The following TRPC7 variants were observed in gnomAD, a reference collection of about 807,000 sequenced individuals.
TRPC7 encodes short transient receptor potential channel 7.
Under a neutral mutation model 90.1 loss-of-function variants are expected in TRPC7, and 42 were observed. The ratio of observed to expected loss-of-function variants is 0.47; its 90% CI spans 0.36 to 0.60. The LOEUF is 0.60. Ranked by LOEUF, TRPC7 falls within the 20% of genes least tolerant of loss-of-function variation. The pLI, the probability that TRPC7 is intolerant of heterozygous loss-of-function variation, is 0.00. For missense variants in TRPC7, 955 were observed against 1,112.3 expected, an observed-to-expected ratio of 0.86 and a Z score of 2.01; for synonymous variants, 451 against 436.3, an observed-to-expected ratio of 1.03 and a Z score of -0.42.
chr5:136,291,999 C>A (rs1243662929), intron 3 of TRPC7, among the ~76,000 whole-genome samples: 1 of 152,016 alleles, frequency 6.6e-6, no homozygotes, highest in Admixed American at 6.5e-5. Flanking sequence ...CACTCAAAAC[C>A]GCTCAACTAC....
chr5:136,351,417 T>G lies in TRPC7; in HGVS notation c.780+5191A>C, dbSNP rs141324471. 2.7e-3 allele frequency among the ~76,000 whole-genome samples: 418 copies of G among 152,362 alleles called. 2 individuals are homozygous for G. Among genetic ancestry groups the G allele is most frequent in the African/African-American group, 9.5e-3 (395 of 41,586 alleles). On this transcript the variant is annotated intron_variant, in intron 2 of 11. Transcript: ENST00000513104. ...TATACTACCAGCCAAGCTTTCAAAC[T>G]TCAAGGAAATGTATAATATTTTTCC... is the stretch of plus-strand genomic sequence containing the variant.
At chr5:136,249,192 G>A (rs1756442577) in intron 6 of TRPC7, among the ~76,000 whole-genome samples, 1 of 152,198 alleles carries the variant, frequency 6.6e-6, no homozygotes, top group Non-Finnish European at 1.5e-5. Flanking sequence ...ATATTACATA[G>A]CAATTCGTGG....
In TRPC7 at chr5:136,357,340, C is replaced by G; in HGVS notation, c.48G>C (p.Thr16=). 1.2e-6 allele frequency: 2 copies of G among 1,604,204 alleles called. No individual in the cohort carries two copies. Among genetic ancestry groups the G allele is most frequent in the Non-Finnish European group, 1.7e-6 (2 of 1,179,774 alleles). Residue 16 remains threonine (T), a synonymous_variant, in exon 2 of 12, where the codon ACG becomes ACC. Transcript: ENST00000513104. Reference sequence around the variant, plus strand: ...CCTGGCGACGGCCCTTCTCCCTCAGCGTTGTGTGCCGGCGCTGCATGTTTT... The same window carrying G: ...CCTGGCGACGGCCCTTCTCCCTCAGGGTTGTGTGCCGGCGCTGCATGTTTT... The part of the protein sequence containing the change: ...TFKNMQRRHT[T]LREKGRRQAI...
chr5:136,271,063 T>G (rs1159559740), intron 4 of TRPC7, among the ~76,000 whole-genome samples: 1 of 152,178 alleles, frequency 6.6e-6, no homozygotes. Context: ...ATTTCAGCTT[T>G]GGTAAGGCAA....
At chr5:136,336,652 C>T (rs1759675748) in intron 2 of TRPC7, among the ~76,000 whole-genome samples, 1 of 152,042 alleles carries the variant, frequency 6.6e-6, no homozygotes, top group African/African-American at 2.4e-5. Flanking sequence ...AATGCTATCC[C>T]TCCCCCTTTC....
chr5:136,294,690 G>A (rs963412788), intron 3 of TRPC7, among the ~76,000 whole-genome samples: 7 of 152,184 alleles, frequency 4.6e-5, no homozygotes, highest in African/African-American at 1.4e-4. Context: ...TACACTGTTG[G>A]TGGGACTGTA....
At chr5:136,260,431 G>C (rs1229260247) in intron 5 of TRPC7, among the ~76,000 whole-genome samples, 5 of 152,124 alleles carry the variant, frequency 3.3e-5, no homozygotes, top group Non-Finnish European at 7.4e-5. Context: ...GTTGAGTAAA[G>C]ACCTGAGGAG....
At chr5:136,359,540 T>G (rs938606695) in intron 1 of TRPC7, among the ~76,000 whole-genome samples, 5 of 152,148 alleles carry the variant, frequency 3.3e-5, no homozygotes, top group African/African-American at 1.2e-4. Flanking sequence ...AACAATGCCA[T>G]CATTCCAGAG....
chr5:136,248,962 A>G (rs1193912233), intron 6 of TRPC7, among the ~76,000 whole-genome samples: 1 of 152,236 alleles, frequency 6.6e-6, no homozygotes, highest in African/African-American at 2.4e-5. Context: ...GATCTGTACA[A>G]TGAAAACTGC....
intron 2 of TRPC7, among the ~76,000 whole-genome samples, chr5:136,332,817 C>T (rs2149847305): frequency 6.6e-6 from 1 of 152,340 alleles, no homozygotes; most frequent in Middle Eastern, 3.4e-3. Context: ...GAGAGAAACA[C>T]ACTTTCTTCC....
At chr5:136,265,614 C>G (rs944529907) in intron 5 of TRPC7, among the ~76,000 whole-genome samples, 55 of 152,228 alleles carry the variant, frequency 3.6e-4, no homozygotes, top group Admixed American at 3.1e-3. Context: ...TAAAAGACAG[C>G]CTTTCTTAGT....
At chr5:136,301,333 T>C (rs1400942985) in intron 3 of TRPC7, among the ~76,000 whole-genome samples, 4 of 29,814 alleles carry the variant, frequency 1.3e-4, no homozygotes, top group South Asian at 1.3e-3. Flanking sequence ...AGCCCAGGCA[T>C]TTTTTTTTTT....
rs551826865 is a variant in TRPC7 at position 136,279,019 on chromosome 5, C to A, written c.964-4182G>T. On this transcript the variant is annotated intron_variant, in intron 3 of 11. Transcript: ENST00000513104. ...TTGCGAACTGAGCCTTCCTGGAAGT[C>A]TACCGGGCAGCAAAAGGAGATGGGC... 9.2e-5 allele frequency among the ~76,000 whole-genome samples: 14 copies of A among 152,206 alleles called. No homozygotes were observed. The East Asian group carries it at 2.7e-3, about 30-fold the overall frequency.
chr5:136,315,592 C>G lies in TRPC7; in HGVS notation c.963+5G>C, dbSNP rs1313717570. 6.8e-6 allele frequency: 11 copies of G among 1,613,294 alleles called. No individual in the cohort carries two copies. The highest frequency in any genetic ancestry group is 9.3e-6 in the Non-Finnish European group (11 of 1,179,546). The stretch of plus-strand genomic sequence containing the variant: ...GGGAAGACCAGGAGAGATGGGGGAG[C>G]TTACCTTCTTGACTTCATATTTAAT... On this transcript the variant is annotated splice_donor_5th_base_variant and intron_variant, in intron 3 of 11. Coordinates refer to ENST00000513104, the MANE Select transcript of TRPC7 (RefSeq NM_020389.3).
intron 7 of TRPC7, among the ~76,000 whole-genome samples, chr5:136,243,485 C>T (rs1039570467): frequency 6.6e-6 from 1 of 152,184 alleles, no homozygotes; most frequent in African/African-American, 2.4e-5. Context: ...CCACAGAGAA[C>T]AGGCCACTCA....
chr5:136,330,701 G>T (rs1180881622), intron 2 of TRPC7, among the ~76,000 whole-genome samples: 1 of 152,236 alleles, frequency 6.6e-6, no homozygotes, highest in Non-Finnish European at 1.5e-5. Flanking sequence ...GATGAGACTG[G>T]CTGAGCTCTG....
chr5:136,272,024 T>C (rs1004441989), intron 4 of TRPC7, among the ~76,000 whole-genome samples: 7 of 152,192 alleles, frequency 4.6e-5, no homozygotes, highest in Admixed American at 1.3e-4. Flanking sequence ...AAATGCACCA[T>C]TGGGTTGGAA....
chr5:136,361,816 A>G (rs1456806406), intron 1 of TRPC7, among the ~76,000 whole-genome samples: 2 of 152,168 alleles, frequency 1.3e-5, no homozygotes, highest in African/African-American at 2.4e-5. Flanking sequence ...TATTCTGAGT[A>G]TTAGTCTAGA....
chr5:136,321,623 A>G (rs144336394), intron 2 of TRPC7, among the ~76,000 whole-genome samples: 35 of 152,334 alleles, frequency 2.3e-4, no homozygotes, highest in African/African-American at 8.4e-4. Flanking sequence ...ATGGCAATTT[A>G]CATGATTTCA....
Sources: allele counts gnomAD v4.1 joint callset (sites outside exome capture counted in the v4.1 genomes callset), GRCh38; gene constraint gnomAD v4.1.1; transcripts MANE v1.5; gene names NCBI Gene and HGNC (gene_info 2026-07-23, HGNC 2026-07-21).